Variants in AZIN1 observed in about 807,000 individuals in gnomAD.
The protein encoded by AZIN1 is ornithine decarboxylase antizyme inhibitor.
A neutral mutation model predicts 47.4 loss-of-function variants in AZIN1; 12 were observed. The observed-to-expected ratio is 0.25, with a 90% CI of 0.16 to 0.41. The LOEUF (loss-of-function observed/expected upper bound fraction) is 0.41. AZIN1 is among the 10% of genes least tolerant of loss of function. The probability of loss-of-function intolerance (pLI) is 1.00; values close to 1 mark genes in which losing one functional copy is unlikely to be tolerated. For synonymous variants in AZIN1, 155 were observed against 176.3 expected (o/e 0.88, Z 0.96); for missense variants, 410 against 532.4 (o/e 0.77, Z 2.26).
chr8:102,860,879 G>A (rs1323907999), intron 1 of AZIN1, among the ~76,000 whole-genome samples: 1 of 152,192 alleles, frequency 6.6e-6, no homozygotes, highest in Non-Finnish European at 1.5e-5. Context: ...GGGGAGGGGA[G>A]TATTCTACCA....
At chr8:102,832,994 C>A in intron 9 of AZIN1, 62 bp downstream of exon 9, 1 of 1,420,952 alleles carries the variant, frequency 7.0e-7, no homozygotes, top group South Asian at 1.2e-5. Context: ...ACCATCTGCT[C>A]ATTTCCAGAC....
chr8:102,834,555 T>C, intron 7 of AZIN1, 111 bp downstream of exon 7: 2 of 772,846 alleles, frequency 2.6e-6, no homozygotes, highest in East Asian at 5.2e-5. Flanking sequence ...ATGAGGTGTG[T>C]GTCACGTTGA....
At chr8:102,862,693 C>T (rs998805078) in intron 1 of AZIN1, among the ~76,000 whole-genome samples, 1 of 152,194 alleles carries the variant, frequency 6.6e-6, no homozygotes, top group East Asian at 1.9e-4. Flanking sequence ...GCAATTCCCC[C>T]TCCTTTGAGT....
Position 102,834,183 on chromosome 8 carries a change from G to A in AZIN1, c.741+6C>T, listed in dbSNP as rs1259847658. On this transcript the variant is annotated splice_donor_region_variant and intron_variant, in intron 8 of 11. Transcript: ENST00000337198. ...TTCTGTTAATGTCATCTACTGAGAA[G>A]TTTACCTCTTCCAATTGAAATTCAG... The A allele has an allele frequency of 1.9e-6, 3 of 1,609,846 alleles. No individual in the cohort carries two copies. The South Asian group carries it at 3.3e-5, about 18-fold the overall frequency.
chr8:102,861,046 G>C (rs1012054765), intron 1 of AZIN1, among the ~76,000 whole-genome samples: 1 of 152,090 alleles, frequency 6.6e-6, no homozygotes, highest in South Asian at 2.1e-4. Flanking sequence ...AGAAAAATTG[G>C]CGAAATCCAA....
At chr8:102,835,210 T>C (rs1206765700) in intron 6 of AZIN1, 1 of 156,596 alleles carries the variant, frequency 6.4e-6, no homozygotes, top group Non-Finnish European at 1.4e-5. Context: ...GCATTACTAT[T>C]ATTCACTAGT....
At chr8:102,830,078 A>G (rs550641563) in intron 9 of AZIN1, 142 bp from the exon 10 acceptor site, 10 of 619,340 alleles carry the variant, frequency 1.6e-5, no homozygotes, top group Middle Eastern at 4.4e-4. Flanking sequence ...AAGATAACCA[A>G]TGAGCACAAG....
At chr8:102,842,532 C>T (rs1381417278) in intron 3 of AZIN1, among the ~76,000 whole-genome samples, 2 of 151,810 alleles carry the variant, frequency 1.3e-5, no homozygotes, top group African/African-American at 4.8e-5. Flanking sequence ...ATGGTGAAAC[C>T]CCACCTCTAC....
At chr8:102,859,511 T>C (rs189018037) in intron 1 of AZIN1, among the ~76,000 whole-genome samples, 2 of 152,292 alleles carry the variant, frequency 1.3e-5, no homozygotes, top group East Asian at 3.9e-4. Context: ...AACATTTCCA[T>C]TTAACAAAAA....
intron 2 of AZIN1, 135 bp from the exon 3 acceptor site, chr8:102,843,882 A>G (rs1812384786): frequency 3.2e-6 from 2 of 621,396 alleles, no homozygotes; most frequent in Non-Finnish European, 5.0e-6. Context: ...TCAGATTATT[A>G]ATTTCCTTTA....
intron 2 of AZIN1, among the ~76,000 whole-genome samples, chr8:102,845,897 C>CGAAA: frequency 6.6e-6 from 1 of 152,122 alleles, no homozygotes; most frequent in Non-Finnish European, 1.5e-5. Flanking sequence ...AGAGGTAAAA[C>CGAAA]GAAACCATTT....
Position 102,852,226 on chromosome 8 carries a change from A to G in AZIN1, c.-96+5787T>C, listed in dbSNP as rs139055588. On this transcript the variant is annotated intron_variant, in intron 2 of 11. Coordinates refer to ENST00000337198, the MANE Select transcript of AZIN1 (RefSeq NM_148174.4). ...AGGAGATCTTTGCAAACTGGGCATC[A>G]GAGGATCCTTGCAGTAAAGAGCAAG... is the stretch of plus-strand genomic sequence containing the variant. 1.7e-3 allele frequency among the ~76,000 whole-genome samples: 252 copies of G among 152,342 alleles called. 1 individual carries two copies. The highest frequency in any genetic ancestry group is 5.8e-3 in the African/African-American group (242 of 41,586).
intron 4 of AZIN1, 68 bp from the exon 5 acceptor site, chr8:102,838,984 A>G: frequency 7.2e-7 from 1 of 1,386,512 alleles, no homozygotes; most frequent in Non-Finnish European, 1.0e-6. Context: ...GCTTCCTCTA[A>G]TACTATTACC....
At chr8:102,852,077 G>T (rs1307303748) in intron 2 of AZIN1, among the ~76,000 whole-genome samples, 1 of 152,132 alleles carries the variant, frequency 6.6e-6, no homozygotes, top group Non-Finnish European at 1.5e-5. Context: ...TATTTTTGGG[G>T]TGATTGTTTT....
At chr8:102,855,691 A>G (rs1395499617) in intron 2 of AZIN1, 2 of 152,214 alleles carry the variant, frequency 1.3e-5, no homozygotes, top group Non-Finnish European at 2.9e-5. Context: ...GGGCCAAATA[A>G]TTTCCATGAA....
At chr8:102,832,780 A>T (rs1359075079) in intron 9 of AZIN1, among the ~76,000 whole-genome samples, 1 of 152,116 alleles carries the variant, frequency 6.6e-6, no homozygotes, top group Non-Finnish European at 1.5e-5. Flanking sequence ...AGCCGGGATT[A>T]CAGGTGTGCG....
intron 8 of AZIN1, 81 bp from the exon 9 acceptor site, chr8:102,833,299 T>C: frequency 7.4e-7 from 1 of 1,349,056 alleles, no homozygotes; most frequent in Non-Finnish European, 1.0e-6. Flanking sequence ...ATTAACAAAA[T>C]TTTCTAGGAA....
chr8:102,861,913 G>A (rs924081618), intron 1 of AZIN1, among the ~76,000 whole-genome samples: 2 of 151,918 alleles, frequency 1.3e-5, no homozygotes, highest in Non-Finnish European at 2.9e-5. Context: ...GTGGGCGCCT[G>A]TAATCCCAGC....
chr8:102,862,764 T>C (rs1377256538), intron 1 of AZIN1, among the ~76,000 whole-genome samples: 2 of 152,152 alleles, frequency 1.3e-5, no homozygotes, highest in East Asian at 3.8e-4. Context: ...ACAGAACTAA[T>C]ATAACCAAGA....
Sources: allele counts gnomAD v4.1 joint callset (sites outside exome capture counted in the v4.1 genomes callset), GRCh38; gene constraint gnomAD v4.1.1; transcripts MANE v1.5; gene names NCBI Gene and HGNC (gene_info 2026-07-23, HGNC 2026-07-21).